The following LRP1B variants were observed in gnomAD, a reference collection of about 807,000 sequenced individuals.
The protein encoded by LRP1B is LDL receptor related protein 1B.
A neutral mutation model predicts 556.6 loss-of-function variants in LRP1B; 217 were observed. The ratio of observed to expected loss-of-function variants is 0.39; its 90% CI spans 0.35 to 0.44. The LOEUF (loss-of-function observed/expected upper bound fraction) is 0.44. LRP1B is among the 20% of genes least tolerant of loss of function. The pLI, the probability that LRP1B is intolerant of heterozygous loss-of-function variation, is 1.00. For synonymous variants in LRP1B, 2,047 were observed against 1,865.8 expected, an observed-to-expected ratio of 1.10 and a Z score of -2.50; for missense variants, 5,053 against 5,620.8, an observed-to-expected ratio of 0.90 and a Z score of 3.23.
chr2:140,605,776 G>A (rs1039805288), intron 41 of LRP1B, among the ~76,000 whole-genome samples: 2 of 150,522 alleles, frequency 1.3e-5, no homozygotes, highest in African/African-American at 4.9e-5. Context: ...TGACATGGTT[G>A]AATGACGGGC....
At chr2:141,440,539 A>G (rs1394534551) in intron 3 of LRP1B, among the ~76,000 whole-genome samples, 3 of 152,244 alleles carry the variant, frequency 2.0e-5, no homozygotes, top group African/African-American at 4.8e-5. Flanking sequence ...TGACCTGTCT[A>G]AAATGGACTG....
chr2:141,597,236 C>T (rs1013222210), intron 2 of LRP1B, among the ~76,000 whole-genome samples: 3 of 151,980 alleles, frequency 2.0e-5, no homozygotes, highest in Non-Finnish European at 4.4e-5. Context: ...TTTCTCTCTA[C>T]TTTCTTGTTT....
chr2:141,581,979 AAATT>A (rs1392628612), intron 2 of LRP1B, among the ~76,000 whole-genome samples: 2 of 152,214 alleles, frequency 1.3e-5, no homozygotes, highest in African/African-American at 4.8e-5. Context: ...AATACATATA[AAATT>A]AATTGTTACA....
At chr2:141,841,969 A>G (rs1697492793) in intron 1 of LRP1B, among the ~76,000 whole-genome samples, 1 of 152,200 alleles carries the variant, frequency 6.6e-6, no homozygotes, top group South Asian at 2.1e-4. Context: ...AGCTAGAGTA[A>G]GTATTAAAGA....
chr2:140,483,640 A>ATATTTTTT (rs1491228405), intron 59 of LRP1B, among the ~76,000 whole-genome samples: 2 of 70,748 alleles, frequency 2.8e-5, no homozygotes, highest in African/African-American at 1.3e-4. Context: ...ATATATATAT[A>ATATTTTTT]TTTTTTTTTT....
intron 3 of LRP1B, 143 bp downstream of exon 3, chr2:141,480,253 A>T (rs1682870063): frequency 3.3e-6 from 3 of 903,380 alleles, no homozygotes; most frequent in Non-Finnish European, 5.3e-6. Context: ...TGCATATTAA[A>T]ATGTCTGGCA....
At chr2:142,025,726 T>C (rs1196387249) in intron 1 of LRP1B, among the ~76,000 whole-genome samples, 2 of 152,108 alleles carry the variant, frequency 1.3e-5, no homozygotes, top group African/African-American at 2.4e-5. Flanking sequence ...TTTTAATCCT[T>C]CTAGAGCATA....
chr2:141,245,048 C>T (rs542871405), intron 5 of LRP1B, among the ~76,000 whole-genome samples: 25 of 152,200 alleles, frequency 1.6e-4, no homozygotes, highest in African/African-American at 3.4e-4. Flanking sequence ...AAAAAGAGGA[C>T]GTGCTTCCTT....
chr2:142,093,973 AC>A (rs1706268175), intron 1 of LRP1B, among the ~76,000 whole-genome samples: 1 of 152,058 alleles, frequency 6.6e-6, no homozygotes, highest in Non-Finnish European at 1.5e-5. Flanking sequence ...ATTTCTCACA[AC>A]CTAGAGGCTG....
chr2:140,792,684 A>G (rs999578960), intron 32 of LRP1B, among the ~76,000 whole-genome samples: 10 of 152,184 alleles, frequency 6.6e-5, no homozygotes, highest in African/African-American at 2.2e-4. Context: ...AGAAAAAAAT[A>G]AGGAAAAAGA....
At chr2:141,269,055 C>A (rs911962968) in intron 3 of LRP1B, among the ~76,000 whole-genome samples, 6 of 152,144 alleles carry the variant, frequency 3.9e-5, no homozygotes, top group African/African-American at 9.7e-5. Context: ...AGCTCCAGAG[C>A]CATGATGCAG....
rs138953199 is a variant in LRP1B, at chr2:140,982,245, G to T, written c.2802C>A (p.Cys934Ter). 2 of 1,613,122 alleles carry T rather than the reference G, an allele frequency of 1.2e-6. No homozygotes were observed. Residue 934 changes from cysteine to a stop codon, truncating the protein, a stop_gained, in exon 18 of 91, where the codon TGC becomes TGA. Transcript: ENST00000389484. LOFTEE classifies it high-confidence loss of function. ...CTCTGGGAATGCAACGCCCATTTCCGCAAGAAAACTGGTCTACCTGGCATG... is the reference window on the plus strand; with the variant it reads ...CTCTGGGAATGCAACGCCCATTTCCTCAAGAAAACTGGTCTACCTGGCATG... ...ARTCQVDQFS[C>*]GNGRCIPRAW...
intron 2 of LRP1B, among the ~76,000 whole-genome samples, chr2:141,782,514 C>CTTTTTTTTTTTTTTTTTTT (rs5834867): frequency 1.0e-5 from 1 of 97,864 alleles, no homozygotes; most frequent in African/African-American, 4.4e-5. Flanking sequence ...TTCTATTTTC[C>CTTTTTTTTTTTTTTTTTTT]TTTTTTTTTT....
At chr2:141,388,454 T>A (rs959738526) in intron 3 of LRP1B, among the ~76,000 whole-genome samples, 50 of 151,962 alleles carry the variant, frequency 3.3e-4, no homozygotes, top group African/African-American at 1.0e-3. Flanking sequence ...AATAAATTAA[T>A]TAAATAAATA....
intron 2 of LRP1B, among the ~76,000 whole-genome samples, chr2:141,498,555 T>A (rs758458501): frequency 4.6e-5 from 7 of 151,932 alleles, no homozygotes; most frequent in Non-Finnish European, 8.8e-5. Flanking sequence ...ATGTTCACGA[T>A]CTATTATGGC....
intron 6 of LRP1B, among the ~76,000 whole-genome samples, chr2:141,226,633 T>G (rs1414511718): frequency 3.3e-5 from 5 of 152,182 alleles, no homozygotes; most frequent in Non-Finnish European, 5.9e-5. Flanking sequence ...GTGACAGGTA[T>G]TCAGGCTGAC....
At chr2:142,032,521 C>T (rs902211415) in intron 1 of LRP1B, among the ~76,000 whole-genome samples, 7 of 151,810 alleles carry the variant, frequency 4.6e-5, no homozygotes, top group Non-Finnish European at 4.4e-5. Context: ...TTCTTACCTA[C>T]GGAACTTATT....
rs571745680 is a variant in LRP1B at position 141,145,549 on chromosome 2, T to TA, written c.1013+42871dup. 3.4e-4 allele frequency among the ~76,000 whole-genome samples: 51 copies of TA among 151,818 alleles called. No individual in the cohort carries two copies. The South Asian group carries it at 6.9e-3, about 20-fold the overall frequency. Reference sequence around the variant, plus strand: ...TTTTAATTAAACTTTTTTTTTTTTTTAGAGACAGAGTTTTGCTCTTGTTGC... The same window carrying TA: ...TTTTAATTAAACTTTTTTTTTTTTTTAAGAGACAGAGTTTTGCTCTTGTTGC... On this transcript the variant is annotated intron_variant, in intron 7 of 90. Transcript: ENST00000389484.
chr2:142,030,869 T>C (rs1355402985), intron 1 of LRP1B, among the ~76,000 whole-genome samples: 1 of 151,910 alleles, frequency 6.6e-6, no homozygotes, highest in African/African-American at 2.4e-5. Flanking sequence ...TGAAGTACTT[T>C]AGCTTTTCCC....
Sources: allele counts gnomAD v4.1 joint callset (sites outside exome capture counted in the v4.1 genomes callset), GRCh38; gene constraint gnomAD v4.1.1; transcripts MANE v1.5; gene names NCBI Gene and HGNC (gene_info 2026-07-23, HGNC 2026-07-21).